The following CACNA1A variants were observed in gnomAD, a reference collection of about 807,000 sequenced individuals.
CACNA1A encodes the protein calcium voltage-gated channel subunit alpha1 A.
In CACNA1A, 57 loss-of-function variants were observed where a neutral mutation model predicts 262.4. That is an observed-to-expected ratio of 0.22 (90% confidence interval 0.18 to 0.27). The LOEUF (loss-of-function observed/expected upper bound fraction) is 0.27, where lower values mean the gene tolerates loss of function less well. Among genes scored for constraint, CACNA1A ranks in the 10% least tolerant of loss-of-function variants. CACNA1A has a pLI of 1.00. For synonymous variants in CACNA1A, 1,431 were observed against 1,419.3 expected, an observed-to-expected ratio of 1.01 and a Z score of -0.18; for missense variants, 2,526 against 3,562.8, an observed-to-expected ratio of 0.71 and a Z score of 7.41.
chr19:13,319,611 C>G (rs1405850532), intron 10 of CACNA1A, among the ~76,000 whole-genome samples: 1 of 152,152 alleles, frequency 6.6e-6, no homozygotes, highest in African/African-American at 2.4e-5. Context: ...TTTGAGTTGG[C>G]ACCCTAGGGG....
At chr19:13,431,010 T>C (rs889031060) in intron 3 of CACNA1A, among the ~76,000 whole-genome samples, 12 of 151,796 alleles carry the variant, frequency 7.9e-5, no homozygotes, top group African/African-American at 2.2e-4. Flanking sequence ...AGCAGGGAAC[T>C]TGTGTAGCTG....
intron 1 of CACNA1A, among the ~76,000 whole-genome samples, chr19:13,494,747 T>C (rs1363343): frequency 0.72 from 109,269 of 152,068 alleles, 40,252 homozygotes; most frequent in African/African-American, 0.88. Flanking sequence ...ACGTCTTACA[T>C]GGCAGCAGGA....
intron 3 of CACNA1A, chr19:13,451,081 C>G (rs1255849808): frequency 6.6e-6 from 1 of 152,310 alleles, no homozygotes; most frequent in Non-Finnish European, 1.5e-5. Context: ...ACCAAGGTCC[C>G]AAGCCACCGA....
chr19:13,325,237 A>C (rs1600334352), intron 10 of CACNA1A, among the ~76,000 whole-genome samples: 1 of 136,808 alleles, frequency 7.3e-6, no homozygotes, highest in Admixed American at 7.7e-5. Context: ...AGTGTCTCAC[A>C]CCTGTAATCA....
rs75074873 is a variant in CACNA1A at position 13,334,052 on chromosome 19, A to T, written c.1198+326T>A. 0.021 allele frequency: 5,549 copies of T among 265,134 alleles called. 296 individuals carry two copies. The highest frequency in any genetic ancestry group is 0.11 in the African/African-American group (5,180 of 45,982). 16.4% of individuals were successfully genotyped at this position (265,134 alleles called of 1,614,324 possible). On this transcript the variant is annotated intron_variant, in intron 8 of 46. Transcript: ENST00000360228. ...AAATACTCCAATAGTACTATGACTT[A>T]GGCACTACCATCGCCTCCATGTAAC...
At chr19:13,251,390 GGAGAATGGCGT>G (rs1212419154) in intron 30 of CACNA1A, among the ~76,000 whole-genome samples, 1 of 152,092 alleles carries the variant, frequency 6.6e-6, no homozygotes, top group African/African-American at 2.4e-5. Flanking sequence ...GGCTGAGGCA[GGAGAATGGCGT>G]GAACCCAGGG....
chr19:13,215,557 G>A (rs2054978344), intron 38 of CACNA1A, among the ~76,000 whole-genome samples: 1 of 151,216 alleles, frequency 6.6e-6, no homozygotes, highest in East Asian at 2.0e-4. Flanking sequence ...GACCTCAGGT[G>A]ATCCACCCTC....
At chr19:13,342,001 C>T (rs1047839732) in intron 6 of CACNA1A, among the ~76,000 whole-genome samples, 2 of 152,158 alleles carry the variant, frequency 1.3e-5, no homozygotes, top group Non-Finnish European at 1.5e-5. Context: ...TAGCTCAGAT[C>T]GTCAACCCCA....
intron 3 of CACNA1A, among the ~76,000 whole-genome samples, chr19:13,420,486 G>A (rs1019363645): frequency 6.6e-6 from 1 of 152,088 alleles, no homozygotes; most frequent in Non-Finnish European, 1.5e-5. Flanking sequence ...TCTAAGAAGA[G>A]GAAAGGACAT....
At chr19:13,213,999 G>A in intron 40 of CACNA1A, 2 of 526,382 alleles carry the variant, frequency 3.8e-6, no homozygotes, top group Admixed American at 3.2e-5. Context: ...GTTTTATTTT[G>A]TAGAGATGGA....
intron 3 of CACNA1A, among the ~76,000 whole-genome samples, chr19:13,428,038 T>C (rs528961443): frequency 6.6e-6 from 1 of 152,232 alleles, no homozygotes; most frequent in African/African-American, 2.4e-5. Context: ...TTCAAGCGAT[T>C]CTCCTACCTC....
At chr19:13,281,457 G>A (rs913921160) in intron 22 of CACNA1A, among the ~76,000 whole-genome samples, 3 of 151,778 alleles carry the variant, frequency 2.0e-5, no homozygotes, top group East Asian at 1.9e-4. Flanking sequence ...AGCTGGGGTC[G>A]TGGTTACCGG....
chr19:13,207,122 G>C lies in CACNA1A; in HGVS notation c.*191C>G. ...GGGGGCGCCGTGGCTGCCCAGGAGG[G>C]TCTCTTTTGGCCGAGGGTCTCTGCG... On this transcript the variant is annotated 3_prime_UTR_variant, in exon 47 of 47. Transcript: ENST00000360228. This position sits in a 1 kb window ranked among gnomAD's most constrained non-coding sequence, Gnocchi z 5.7. 1.8e-6 allele frequency: 1 copy of C among 548,808 alleles called. No homozygotes were observed. Among genetic ancestry groups the C allele is most frequent in the South Asian group, 2.7e-5 (1 of 36,730 alleles). 34.0% of individuals were successfully genotyped at this position (548,808 alleles called of 1,614,324 possible).
intron 3 of CACNA1A, among the ~76,000 whole-genome samples, chr19:13,416,657 T>C (rs1325107430): frequency 1.3e-5 from 2 of 151,732 alleles, no homozygotes; most frequent in East Asian, 3.9e-4. Context: ...CTACTAAAAA[T>C]ACAAAAAATT....
intron 4 of CACNA1A, among the ~76,000 whole-genome samples, chr19:13,368,866 G>A (rs11668137): frequency 0.24 from 33,576 of 142,038 alleles, 5,337 homozygotes; most frequent in Middle Eastern, 0.33. Context: ...GTGAAACCCC[G>A]TCTCTACTAA....
At chr19:13,348,680 C>CA (rs1346174351) in intron 6 of CACNA1A, among the ~76,000 whole-genome samples, 5 of 152,168 alleles carry the variant, frequency 3.3e-5, no homozygotes, top group East Asian at 1.9e-4. Flanking sequence ...TACTAAAATA[C>CA]AAAAAATTAG....
At position 13,299,193 on chromosome 19, in the gene CACNA1A, C is replaced by G; in HGVS notation, c.2440G>C (p.Asp814His). ...KAAYTRHLRP[D>H]MKTHLDRPLV... is the part of the protein sequence containing the mutation. ...GGCCGGTCCAAGTGCGTCTTCATGTCTGGCCGCAGGTGCCGCGTGTAGGCA... is the reference window on the plus strand; with the variant it reads ...GGCCGGTCCAAGTGCGTCTTCATGTGTGGCCGCAGGTGCCGCGTGTAGGCA... Residue 814 changes from aspartate to histidine, a missense_variant, in exon 19 of 47, where the codon GAC becomes CAC. This residue lies in a region of CACNA1A where 765 missense variants were observed against 748.6 expected (regional missense o/e 1.02). Transcript: ENST00000360228. 1 of 1,612,664 alleles carries G rather than the reference C, an allele frequency of 6.2e-7. No individual in the cohort carries two copies. The highest frequency in any genetic ancestry group is 8.5e-7 in the Non-Finnish European group (1 of 1,179,890).
chr19:13,330,140 C>A lies in CACNA1A; in HGVS notation c.1345+104G>T. ...AGGTGGGAAAGGGTGGAGCTGAGAC[C>A]CAAATCCAGGCAGCACGGTTTGCAA... is the stretch of plus-strand genomic sequence containing the variant. On this transcript the variant is annotated intron_variant, in intron 10 of 46. Transcript: ENST00000360228. 8.0e-6 allele frequency: 6 copies of A among 754,684 alleles called. No homozygotes were observed. In the South Asian group the frequency reaches 1.0e-4, roughly 13 times the overall value. 46.7% of individuals were successfully genotyped at this position (754,684 alleles called of 1,614,324 possible). A position where few individuals can be genotyped will look rare whatever the true frequency, so the allele number is the denominator to read the frequency against.
At chr19:13,467,094 T>C (rs2061258599) in intron 1 of CACNA1A, among the ~76,000 whole-genome samples, 1 of 152,050 alleles carries the variant, frequency 6.6e-6, no homozygotes, top group Non-Finnish European at 1.5e-5. Context: ...GCCCTGTTTC[T>C]GTCTGGGAGA....
Sources: gnomAD v4.1 joint callset for allele counts (sites outside exome capture counted in the v4.1 genomes callset) on GRCh38, gnomAD v4.1.1 for gene constraint, gnomAD v4.1.1 regional missense constraint, Gnocchi (gnomAD v3.1) non-coding constraint, MANE v1.5 for transcripts, NCBI Gene and HGNC (gene_info 2026-07-23, HGNC 2026-07-21) for gene names.